The following CASD1 variants were observed in gnomAD, a reference collection of about 807,000 sequenced individuals.
CASD1 encodes the protein N-acetylneuraminate (7)9-O-acetyltransferase.
Under a neutral mutation model 100.0 loss-of-function variants are expected in CASD1, and 41 were observed. The ratio of observed to expected loss-of-function variants is 0.41; its 90% CI spans 0.32 to 0.53. CASD1 has a LOEUF of 0.53. Ranked by LOEUF, CASD1 falls within the 20% of genes least tolerant of loss-of-function variation. The pLI is 0.25. For missense variants in CASD1, 774 were observed against 948.7 expected, an observed-to-expected ratio of 0.82 and a Z score of 2.42; for synonymous variants, 321 against 315.6, an observed-to-expected ratio of 1.02 and a Z score of -0.18.
At chr7:94,512,501 T>A (rs1314390795) in intron 1 of CASD1, among the ~76,000 whole-genome samples, 1 of 152,238 alleles carries the variant, frequency 6.6e-6, no homozygotes. Context: ...TCAGTATCTC[T>A]TGCTTTACAA....
chr7:94,559,098 C>T (rs1039166927), downstream of CASD1, among the ~76,000 whole-genome samples: 7 of 152,148 alleles, frequency 4.6e-5, no homozygotes, highest in South Asian at 2.1e-4. Context: ...CTGTGCCTGG[C>T]CTGATTTTCT....
At chr7:94,527,499 A>G (rs1794634143) in intron 4 of CASD1, among the ~76,000 whole-genome samples, 1 of 152,040 alleles carries the variant, frequency 6.6e-6, no homozygotes, top group Non-Finnish European at 1.5e-5. Context: ...GATCAAGACA[A>G]AAATGGCCTT....
chr7:94,567,116 T>G, the CASD1 span, among the ~76,000 whole-genome samples: 1 of 152,162 alleles, frequency 6.6e-6, no homozygotes, highest in African/African-American at 2.4e-5. Context: ...CCATCCTTTT[T>G]TTTTTTTAAT....
At chr7:94,548,680 C>T (rs886178209) in intron 13 of CASD1, among the ~76,000 whole-genome samples, 2 of 151,674 alleles carry the variant, frequency 1.3e-5, no homozygotes, top group African/African-American at 4.8e-5. Context: ...ATATTATTTT[C>T]ATCTTTTCTC....
In CASD1 at chr7:94,549,581, G is replaced by C. The variant is rs1325175344; in HGVS notation, c.1762G>C (p.Glu588Gln). 26 of 1,611,100 alleles carry C rather than the reference G, an allele frequency of 1.6e-5. No homozygotes were observed. Among genetic ancestry groups the C allele is most frequent in the Non-Finnish European group, 2.2e-5 (26 of 1,178,416 alleles). Reference sequence around the variant, plus strand: ...TCTTTGGCCATTGTCCAAGTGTTTTGAACTGAAAGGGAATGTATATGAATG... The same window carrying C: ...TCTTTGGCCATTGTCCAAGTGTTTTCAACTGAAAGGGAATGTATATGAATG... The part of the protein sequence containing the change: ...FSLWPLSKCF[E>Q]LKGNVYEWWF... The change falls in exon 14 of 18, where the codon GAA (glutamate) becomes CAA (glutamine). Residue 588 changes from glutamate (E) to glutamine (Q), a missense_variant. Coordinates refer to ENST00000297273, the MANE Select transcript of CASD1 (RefSeq NM_022900.5).
At chr7:94,551,500 A>G (rs1363429154) in intron 15 of CASD1, 22 bp downstream of exon 15, 1 of 1,242,836 alleles carries the variant, frequency 8.0e-7, no homozygotes, top group Non-Finnish European at 1.1e-6. Context: ...AAACTTTCCA[A>G]AATTCTAAAT....
chr7:94,592,621 C>G, the CASD1 span, among the ~76,000 whole-genome samples: 1 of 152,102 alleles, frequency 6.6e-6, no homozygotes, highest in African/African-American at 2.4e-5. Flanking sequence ...AAACTTCATT[C>G]TTTAAGAATG....
intron 10 of CASD1, among the ~76,000 whole-genome samples, chr7:94,541,887 A>G (rs1043761187): frequency 2.0e-5 from 3 of 152,126 alleles, no homozygotes; most frequent in Non-Finnish European, 4.4e-5. Context: ...GAGCACTGTC[A>G]CATGGTCTGC....
At chr7:94,550,839 A>G (rs926556618) in intron 14 of CASD1, among the ~76,000 whole-genome samples, 1 of 152,156 alleles carries the variant, frequency 6.6e-6, no homozygotes, top group Non-Finnish European at 1.5e-5. Flanking sequence ...GATAGTTCAC[A>G]TTAAGTCCTT....
At chr7:94,512,277 C>A (rs894947522) in intron 1 of CASD1, among the ~76,000 whole-genome samples, 13 of 152,150 alleles carry the variant, frequency 8.5e-5, no homozygotes, top group Non-Finnish European at 1.5e-4. Flanking sequence ...TGCAAAAAAT[C>A]TCGTATCATT....
intron 16 of CASD1, chr7:94,554,268 G>C (rs1251377562): frequency 2.3e-5 from 9 of 393,210 alleles, no homozygotes; most frequent in Non-Finnish European, 3.7e-5. Context: ...AATGTTCATT[G>C]GTATGCAGCA....
the CASD1 span, among the ~76,000 whole-genome samples, chr7:94,610,625 G>T: frequency 7.2e-5 from 11 of 151,930 alleles, no homozygotes; most frequent in Non-Finnish European, 1.6e-4. Context: ...GACACTAAAA[G>T]CTCCAGCAGT....
intron 7 of CASD1, among the ~76,000 whole-genome samples, chr7:94,534,124 G>C (rs1347340740): frequency 1.3e-5 from 2 of 149,426 alleles, no homozygotes; most frequent in Non-Finnish European, 3.0e-5. Context: ...TATTGTGATT[G>C]GGAAATATAT....
At chr7:94,589,099 T>G in the CASD1 span, 1 of 283,216 alleles carries the variant, frequency 3.5e-6, no homozygotes, top group Non-Finnish European at 6.9e-6. Context: ...TGGCTTGTGC[T>G]CTTAACCTAT....
the CASD1 span, among the ~76,000 whole-genome samples, chr7:94,614,789 T>C: frequency 1.3e-5 from 2 of 152,166 alleles, no homozygotes; most frequent in Non-Finnish European, 2.9e-5. Flanking sequence ...CAAGCCTAGA[T>C]TGTGTTTTTA....
chr7:94,515,530 T>G (rs1300081938), intron 1 of CASD1, among the ~76,000 whole-genome samples: 1 of 152,116 alleles, frequency 6.6e-6, no homozygotes, highest in Non-Finnish European at 1.5e-5. Flanking sequence ...AAAAGTTATT[T>G]GCATTTTAGA....
chr7:94,587,842 G>C, the CASD1 span: 65 of 1,528,344 alleles, frequency 4.3e-5, no homozygotes, highest in Non-Finnish European at 5.4e-5. Flanking sequence ...TAATAGAGAA[G>C]ATAATTTCTG....
intron 13 of CASD1, 85 bp downstream of exon 13, chr7:94,547,260 T>C: frequency 1.2e-6 from 1 of 865,304 alleles, no homozygotes; most frequent in Non-Finnish European, 1.7e-6. Context: ...GAGTCAGAGC[T>C]TTTTTTTAGC....
chr7:94,581,594 T>C, the CASD1 span, among the ~76,000 whole-genome samples: 1 of 152,192 alleles, frequency 6.6e-6, no homozygotes, highest in African/African-American at 2.4e-5. Flanking sequence ...GTGTTCTCAT[T>C]ATTTAGCTCT....
Sources: allele counts gnomAD v4.1 joint callset (sites outside exome capture counted in the v4.1 genomes callset), GRCh38; gene constraint gnomAD v4.1.1; transcripts MANE v1.5; gene names NCBI Gene and HGNC (gene_info 2026-07-23, HGNC 2026-07-21).